Variants in MAP3K4 observed in about 807,000 individuals in gnomAD.
The protein encoded by MAP3K4 is mitogen-activated protein kinase kinase kinase 4.
Under a neutral mutation model 185.6 loss-of-function variants are expected in MAP3K4, and 67 were observed. The ratio of observed to expected loss-of-function variants is 0.36; its 90% CI spans 0.30 to 0.44. The LOEUF (loss-of-function observed/expected upper bound fraction) is 0.44. MAP3K4 is among the 20% of genes least tolerant of loss of function. The probability of loss-of-function intolerance (pLI) is 1.00; values close to 1 mark genes in which losing one functional copy is unlikely to be tolerated. For missense variants in MAP3K4, 1,551 were observed against 1,995.1 expected, an observed-to-expected ratio of 0.78 and a Z score of 4.24; for synonymous variants, 702 against 710.4, an observed-to-expected ratio of 0.99 and a Z score of 0.19.
chr6:161,021,165 T>C (rs1289455946), intron 1 of MAP3K4, among the ~76,000 whole-genome samples: 2 of 152,240 alleles, frequency 1.3e-5, no homozygotes, highest in African/African-American at 4.8e-5. Context: ...AGATAGCAAC[T>C]TGCCATTTGT....
chr6:161,045,302 T>G (rs1233106977), intron 2 of MAP3K4, among the ~76,000 whole-genome samples: 1 of 152,188 alleles, frequency 6.6e-6, no homozygotes. Context: ...ACTATGTAGG[T>G]CCAAATATTA....
Position 161,067,006 on chromosome 6 carries a change from C to A in MAP3K4, c.1708-3602C>A, listed in dbSNP as rs1583188555. On this transcript the variant is annotated intron_variant, in intron 3 of 26. Transcript: ENST00000392142. The surrounding 1 kb of genome is among the most constrained non-coding windows in gnomAD (Gnocchi z 6.3). ...TTATACCAGAGGCGGTGGAGGGAAG[C>A]ATTTACAGCGTCTAAAGCCTTTACT... 6.6e-6 allele frequency among the ~76,000 whole-genome samples: 1 copy of A among 152,322 alleles called. No homozygotes were observed. The highest frequency in any genetic ancestry group is 1.5e-5 in the Non-Finnish European group (1 of 68,036).
chr6:161,066,901 G>A (rs1038548870), intron 3 of MAP3K4, among the ~76,000 whole-genome samples: 12 of 152,166 alleles, frequency 7.9e-5, no homozygotes, highest in African/African-American at 1.9e-4. Flanking sequence ...TTGGAATGCT[G>A]AAAGAATTAT....
intron 1 of MAP3K4, among the ~76,000 whole-genome samples, chr6:161,014,870 T>C (rs1782015096): frequency 6.6e-6 from 1 of 152,206 alleles, no homozygotes; most frequent in African/African-American, 2.4e-5. Flanking sequence ...TTAATCACCT[T>C]GAAAAGAAAC....
In MAP3K4 at chr6:161,114,606, A is replaced by C. The variant is rs1392869594; in HGVS notation, c.4627-517A>C. On this transcript the variant is annotated intron_variant, in intron 25 of 26. Coordinates refer to ENST00000392142, the MANE Select transcript of MAP3K4 (RefSeq NM_005922.4). The surrounding 1 kb of genome is among the most constrained non-coding windows in gnomAD (Gnocchi z 4.3). ...ATGACGAAACAATAGTTTAGAAATTAGAATGCCATACACACTTAGTTCCTT... is the reference window on the plus strand; with the variant it reads ...ATGACGAAACAATAGTTTAGAAATTCGAATGCCATACACACTTAGTTCCTT... Among the ~76,000 whole-genome samples, 2 of 152,270 alleles carry C rather than the reference A, an allele frequency of 1.3e-5. No homozygotes were observed. Among genetic ancestry groups the C allele is most frequent in the African/African-American group, 2.4e-5 (1 of 41,476 alleles).
Position 161,109,631 on chromosome 6 carries a change from A to T in MAP3K4, c.4237-124A>T. 1.1e-6 allele frequency: 1 copy of T among 926,990 alleles called. No homozygotes were observed. The highest frequency in any genetic ancestry group is 1.7e-6 in the Non-Finnish European group (1 of 599,318). The allele number at this position is 926,990 out of a possible 1,614,324, so 57.4% of individuals were successfully genotyped here. ...GACACATTCAGTGCTCAGGATGGCA[A>T]GTGTAGTATACCGTTAGAAAGAACA... On this transcript the variant is annotated intron_variant, in intron 22 of 26. Transcript: ENST00000392142. This position sits in a 1 kb window ranked among gnomAD's most constrained non-coding sequence, Gnocchi z 5.7.
In MAP3K4 at chr6:161,101,177, CTT is replaced by C. The variant is rs1053573377; in HGVS notation, c.3675-713_3675-712del. Reference sequence around the variant, plus strand: ...TCCCTATTTAGTTTTAATTTTTACTCTTTATGGGTTCATTCTGGTTGCTGAAC... The same window carrying C: ...TCCCTATTTAGTTTTAATTTTTACTCTATGGGTTCATTCTGGTTGCTGAAC... On this transcript the variant is annotated intron_variant, in intron 17 of 26. Transcript: ENST00000392142. This position sits in a 1 kb window ranked among gnomAD's most constrained non-coding sequence, Gnocchi z 5.1. The C allele has an allele frequency of 6.6e-6, 1 of 152,128 alleles. No individual in the cohort carries two copies. The highest frequency in any genetic ancestry group is 1.5e-5 in the Non-Finnish European group (1 of 68,018). 9.4% of individuals were successfully genotyped at this position (152,128 alleles called of 1,614,324 possible).
At position 161,087,874 on chromosome 6, in the gene MAP3K4, G is replaced by A. The variant is rs1785817722; in HGVS notation, c.2743G>A (p.Asp915Asn). The change falls in exon 10 of 27, where the codon GAC becomes AAC. Residue 915 changes from aspartate (D) to asparagine (N), a missense_variant. By Grantham distance (23) the Asp-to-Asn change is conservative. This residue lies in a region of MAP3K4 where 261 missense variants were observed against 306.5 expected (regional missense o/e 0.85). Transcript: ENST00000392142. This position sits in a 1 kb window ranked among gnomAD's most constrained non-coding sequence, Gnocchi z 4.9. ...KHGDRARDSEDSWGTWEAQPV... is the reference protein window; with the variant it reads ...KHGDRARDSENSWGTWEAQPV... Reference sequence around the variant, plus strand: ...CGGTGATCGAGCCCGTGATTCAGAGGACAGCTGGGGCACCTGGGAGGCACA... The same window carrying A: ...CGGTGATCGAGCCCGTGATTCAGAGAACAGCTGGGGCACCTGGGAGGCACA... 3 of 1,614,058 alleles carry A rather than the reference G, an allele frequency of 1.9e-6. No homozygotes were observed. Among genetic ancestry groups the A allele is most frequent in the Non-Finnish European group, 2.5e-6 (3 of 1,180,040 alleles).
intron 1 of MAP3K4, among the ~76,000 whole-genome samples, chr6:161,027,545 A>G (rs1372833153): frequency 6.6e-6 from 1 of 152,170 alleles, no homozygotes; most frequent in African/African-American, 2.4e-5. Context: ...TTCTTGTTCT[A>G]TTTTAGAGAA....
rs2114758608 is a variant in MAP3K4, at chr6:161,048,157, A to C, written c.344-459A>C. 2.1e-6 allele frequency: 1 copy of C among 486,076 alleles called. No homozygotes were observed. Among genetic ancestry groups the C allele is most frequent in the African/African-American group, 2.0e-5 (1 of 49,968 alleles). 30.1% of individuals were successfully genotyped at this position (486,076 alleles called of 1,614,324 possible). A position where few individuals can be genotyped will look rare whatever the true frequency, so the allele number is the denominator to read the frequency against. On this transcript the variant is annotated intron_variant, in intron 2 of 26. Coordinates refer to ENST00000392142, the MANE Select transcript of MAP3K4 (RefSeq NM_005922.4). This position sits in a 1 kb window ranked among gnomAD's most constrained non-coding sequence, Gnocchi z 4.7. ...TGTGCCTAATTTTATCAATGAGAAA[A>C]GTAATCCAGATAATTTACGTGATTT...
chr6:161,001,950 A>G (rs1292984494), intron 1 of MAP3K4, among the ~76,000 whole-genome samples: 1 of 151,930 alleles, frequency 6.6e-6, no homozygotes, highest in East Asian at 1.9e-4. Flanking sequence ...GCCACCAAAT[A>G]TGCATTGAGG....
At position 161,087,634 on chromosome 6, in the gene MAP3K4, C is replaced by A; in HGVS notation, c.2557-54C>A. The stretch of plus-strand genomic sequence containing the variant: ...CCTTTCCTAGGTTTGTTTTAAATAA[C>A]CTATTTCTCTAATGTACAGTGTTCC... On this transcript the variant is annotated intron_variant, in intron 9 of 26. Transcript: ENST00000392142. The surrounding 1 kb of genome is among the most constrained non-coding windows in gnomAD (Gnocchi z 4.9). 10 of 1,582,920 alleles carry A rather than the reference C, an allele frequency of 6.3e-6. No individual in the cohort carries two copies. The highest frequency in any genetic ancestry group is 7.8e-6 in the Non-Finnish European group (9 of 1,160,220).
chr6:161,042,763 C>T (rs1783537554), intron 2 of MAP3K4, among the ~76,000 whole-genome samples: 1 of 152,098 alleles, frequency 6.6e-6, no homozygotes, highest in Non-Finnish European at 1.5e-5. Flanking sequence ...GACACCCAAG[C>T]CAAAACCCTT....
chr6:161,038,515 GT>G (rs1783288441), intron 2 of MAP3K4, among the ~76,000 whole-genome samples: 1 of 152,184 alleles, frequency 6.6e-6, no homozygotes, highest in African/African-American at 2.4e-5. Context: ...GGATCTCTGA[GT>G]CATACTATTA....
chr6:161,079,884 G>C (rs967893147), intron 5 of MAP3K4, among the ~76,000 whole-genome samples: 5 of 152,202 alleles, frequency 3.3e-5, no homozygotes, highest in Non-Finnish European at 5.9e-5. Context: ...TTTGCCTACT[G>C]AAAGTTATTA....
chr6:161,006,665 A>G (rs1781596145), intron 1 of MAP3K4, among the ~76,000 whole-genome samples: 1 of 152,222 alleles, frequency 6.6e-6, no homozygotes. Context: ...AAGGGATTTT[A>G]TAACCTATTT....
intron 1 of MAP3K4, among the ~76,000 whole-genome samples, chr6:161,010,796 T>G (rs368127838): frequency 3.3e-5 from 5 of 152,232 alleles, no homozygotes; most frequent in Non-Finnish European, 5.9e-5. Context: ...TTTATGCAAT[T>G]TTTGTATTCA....
At chr6:161,003,546 C>T (rs961945031) in intron 1 of MAP3K4, among the ~76,000 whole-genome samples, 1 of 152,150 alleles carries the variant, frequency 6.6e-6, no homozygotes, top group Non-Finnish European at 1.5e-5. Context: ...GAAGACTGTA[C>T]TGCAAGGTAC....
Position 161,115,041 on chromosome 6 carries a change from A to T in MAP3K4, c.4627-82A>T. ...TCCCCTGATATATATTAATGATGAG[A>T]TGCTTAAAAACAGACTGAACATTTG... On this transcript the variant is annotated intron_variant, in intron 25 of 26. Coordinates refer to ENST00000392142, the MANE Select transcript of MAP3K4 (RefSeq NM_005922.4). This position sits in a 1 kb window ranked among gnomAD's most constrained non-coding sequence, Gnocchi z 6.0. 9 of 1,260,078 alleles carry T rather than the reference A, an allele frequency of 7.1e-6. No individual in the cohort carries two copies. Among genetic ancestry groups the T allele is most frequent in the Non-Finnish European group, 8.9e-6 (8 of 895,594 alleles). 78.1% of individuals were successfully genotyped at this position (1,260,078 alleles called of 1,614,324 possible). A position where few individuals can be genotyped will look rare whatever the true frequency, so the allele number is the denominator to read the frequency against.
Sources: gnomAD v4.1 joint callset for allele counts (sites outside exome capture counted in the v4.1 genomes callset) on GRCh38, gnomAD v4.1.1 for gene constraint, gnomAD v4.1.1 regional missense constraint, Gnocchi (gnomAD v3.1) non-coding constraint, MANE v1.5 for transcripts, NCBI Gene and HGNC (gene_info 2026-07-23, HGNC 2026-07-21) for gene names.